The following ZC3H3 variants were observed in gnomAD, a reference collection of about 807,000 sequenced individuals.
ZC3H3 encodes zinc finger CCCH domain-containing protein 3.
ZC3H3 carries 36 observed loss-of-function variants against 77.3 expected under a neutral mutation model. The ratio of observed to expected loss-of-function variants is 0.47; its 90% CI spans 0.36 to 0.61. The LOEUF (loss-of-function observed/expected upper bound fraction) is 0.61. ZC3H3 is among the 20% of genes least tolerant of loss of function. The probability of loss-of-function intolerance (pLI) is 0.00; values close to 1 mark genes in which losing one functional copy is unlikely to be tolerated. For synonymous variants in ZC3H3, 626 were observed against 555.2 expected (o/e 1.13, Z -1.79); for missense variants, 1,331 against 1,312.2 (o/e 1.01, Z -0.22).
intron 4 of ZC3H3, among the ~76,000 whole-genome samples, chr8:143,504,650 C>T (rs1453377338): frequency 1.3e-5 from 2 of 152,164 alleles, no homozygotes; most frequent in Non-Finnish European, 2.9e-5. Flanking sequence ...CCCAACTACA[C>T]CCTACCCAAG....
rs1022380436 is a variant in ZC3H3, at chr8:143,442,010, G to A, written c.2308-890C>T. Reference sequence around the variant, plus strand: ...AATCTGTCACGGCACTAGAGTGGCCGGAGTGCTTCCAGCTCGTGGGGTGCC... The same window carrying A: ...AATCTGTCACGGCACTAGAGTGGCCAGAGTGCTTCCAGCTCGTGGGGTGCC... On this transcript the variant is annotated intron_variant, in intron 9 of 11. Coordinates refer to ENST00000262577, the MANE Select transcript of ZC3H3 (RefSeq NM_015117.3). Among the ~76,000 whole-genome samples, 18 of 152,290 alleles carry A rather than the reference G, an allele frequency of 1.2e-4. 1 individual carries two copies. Among genetic ancestry groups the A allele is most frequent in the Non-Finnish European group, 1.5e-4 (10 of 68,012 alleles).
At chr8:143,468,096 G>T in intron 8 of ZC3H3, 113 bp downstream of exon 8, 1 of 1,300,692 alleles carries the variant, frequency 7.7e-7, no homozygotes, top group Non-Finnish European at 1.1e-6. Context: ...CCAGGGCAGG[G>T]ATCTGCATGT....
intron 9 of ZC3H3, among the ~76,000 whole-genome samples, chr8:143,464,391 G>A (rs1282949821): frequency 1.3e-5 from 2 of 152,272 alleles, no homozygotes; most frequent in Non-Finnish European, 2.9e-5. Context: ...GGGATTGCCT[G>A]CCAGGTTTCA....
intron 9 of ZC3H3, among the ~76,000 whole-genome samples, chr8:143,442,405 G>C (rs1400001822): frequency 8.2e-6 from 1 of 121,898 alleles, no homozygotes; most frequent in Non-Finnish European, 1.8e-5. Context: ...GGGGCCGGGG[G>C]GGGTGGGGGG....
intron 3 of ZC3H3, among the ~76,000 whole-genome samples, chr8:143,527,057 G>A (rs11780840): frequency 0.12 from 17,819 of 152,162 alleles, 1,338 homozygotes; most frequent in Admixed American, 0.2. Flanking sequence ...CATCGGGACG[G>A]CCCTGTGCCG....
chr8:143,465,293 G>A (rs540364314), intron 9 of ZC3H3, among the ~76,000 whole-genome samples: 31 of 151,572 alleles, frequency 2.0e-4, no homozygotes, highest in African/African-American at 4.9e-4. Context: ...GGAGTGTCCC[G>A]TCCACCCCCT....
intron 5 of ZC3H3, 40 bp downstream of exon 5, chr8:143,475,358 G>T (rs757644838): frequency 6.3e-7 from 1 of 1,589,892 alleles, no homozygotes; most frequent in East Asian, 2.2e-5. Context: ...ACGCTAGCCG[G>T]TCGGTGTCAT....
intron 3 of ZC3H3, among the ~76,000 whole-genome samples, chr8:143,527,892 G>C (rs150716845): frequency 1.3e-5 from 2 of 152,302 alleles, no homozygotes; most frequent in Admixed American, 6.5e-5. Flanking sequence ...ATAGGGCACC[G>C]AGCACCAGCA....
At chr8:143,495,016 G>A (rs1049999183) in intron 4 of ZC3H3, among the ~76,000 whole-genome samples, 12 of 152,282 alleles carry the variant, frequency 7.9e-5, no homozygotes, top group African/African-American at 2.9e-4. Context: ...AAAGGGTCGC[G>A]GCACGCTGGA....
chr8:143,512,631 C>T (rs1821906287), intron 3 of ZC3H3, among the ~76,000 whole-genome samples: 1 of 152,202 alleles, frequency 6.6e-6, no homozygotes, highest in South Asian at 2.1e-4. Context: ...TGTGCCATCC[C>T]CAGAAACCTG....
At chr8:143,516,009 G>A (rs576930015) in intron 3 of ZC3H3, among the ~76,000 whole-genome samples, 2 of 152,334 alleles carry the variant, frequency 1.3e-5, no homozygotes, top group African/African-American at 4.8e-5. Context: ...TGCAGGGAGT[G>A]TGCTGCTGAC....
chr8:143,518,023 G>A (rs1822117795), intron 3 of ZC3H3, among the ~76,000 whole-genome samples: 1 of 152,210 alleles, frequency 6.6e-6, no homozygotes, highest in South Asian at 2.1e-4. Context: ...AGGACCTAGA[G>A]GCGGCCACTC....
chr8:143,492,030 G>A (rs2129969973), intron 4 of ZC3H3, among the ~76,000 whole-genome samples: 1 of 152,336 alleles, frequency 6.6e-6, no homozygotes, highest in African/African-American at 2.4e-5. Context: ...GGAGGGCAGA[G>A]AAGGAGTGAA....
At chr8:143,447,683 A>G (rs1819893717) in intron 9 of ZC3H3, among the ~76,000 whole-genome samples, 1 of 152,182 alleles carries the variant, frequency 6.6e-6, no homozygotes, top group Non-Finnish European at 1.5e-5. Context: ...GAAGCTTCCA[A>G]TCATGGCAGA....
chr8:143,522,600 C>T (rs939640192), intron 3 of ZC3H3, among the ~76,000 whole-genome samples: 1 of 144,732 alleles, frequency 6.9e-6, no homozygotes, highest in African/African-American at 2.6e-5. Context: ...GCAAGACTCT[C>T]TGTCTTAAAA....
chr8:143,505,996 C>T (rs1821680819), intron 4 of ZC3H3, among the ~76,000 whole-genome samples: 2 of 152,236 alleles, frequency 1.3e-5, no homozygotes, highest in African/African-American at 4.8e-5. Flanking sequence ...TCAGCTGACC[C>T]GCTGCTCTCA....
intron 5 of ZC3H3, among the ~76,000 whole-genome samples, chr8:143,471,922 G>A (rs1018751130): frequency 1.6e-4 from 24 of 152,362 alleles, no homozygotes; most frequent in African/African-American, 5.5e-4. Context: ...GGCGGGGCCG[G>A]TGGTGGCCCA....
chr8:143,515,279 G>A (rs952380735), intron 3 of ZC3H3, among the ~76,000 whole-genome samples: 8 of 152,228 alleles, frequency 5.3e-5, no homozygotes, highest in Non-Finnish European at 5.9e-5. Context: ...TGGCGCATAC[G>A]CACTCCCCCC....
rs949320116 is a variant in ZC3H3 at position 143,468,414 on chromosome 8, G to A, written c.2073C>T (p.Ile691=). The change falls in exon 7 of 12, where the codon ATC becomes ATT. Residue 691 remains isoleucine, a synonymous_variant. Coordinates refer to ENST00000262577, the MANE Select transcript of ZC3H3 (RefSeq NM_015117.3). ...ACACGGCCACCTTCTCGGGATCGTG[G>A]ATGTAGGGGCAGCGCTCGCCACGGT... is the stretch of plus-strand genomic sequence containing the variant. The part of the protein sequence containing the change: ...RCNRGERCPY[I]HDPEKVAVCT... 3 of 1,612,490 alleles carry A rather than the reference G, an allele frequency of 1.9e-6. No individual in the cohort carries two copies. Among genetic ancestry groups the A allele is most frequent in the Non-Finnish European group, 2.5e-6 (3 of 1,179,714 alleles).
Sources: gnomAD v4.1 joint callset for allele counts (sites outside exome capture counted in the v4.1 genomes callset) on GRCh38, gnomAD v4.1.1 for gene constraint, MANE v1.5 for transcripts, NCBI Gene and HGNC (gene_info 2026-07-23, HGNC 2026-07-21) for gene names.